Variants in INTS4 observed in about 807,000 individuals in gnomAD.
The protein encoded by INTS4 is integrator complex subunit 4, also known as MSTP093.
INTS4 carries 70 observed loss-of-function variants against 119.5 expected under a neutral mutation model. The observed-to-expected ratio is 0.59, with a 90% CI of 0.48 to 0.71. The LOEUF (loss-of-function observed/expected upper bound fraction) is 0.71. Among genes scored for constraint, INTS4 ranks in the 30% least tolerant of loss-of-function variants. The pLI is 0.00. For missense variants in INTS4, 867 were observed against 1,173.2 expected (o/e 0.74, Z 3.81); for synonymous variants, 316 against 419.6 (o/e 0.75, Z 3.02).
At position 77,938,667 on chromosome 11, in the gene INTS4, C is replaced by T. The variant is rs768005506; in HGVS notation, c.1149G>A (p.Leu383=). The T allele has an allele frequency of 6.2e-7, 1 of 1,611,176 alleles. No homozygotes were observed. ...CATACTTACCATACATCTCATCTTC[C>T]AACCCATGAACAAAAGCTCCACAAG... ...SGACGAFVHG[L]EDEMYEVRIA... Residue 383 remains leucine (L), a synonymous_variant, in exon 10 of 23, where the codon TTG becomes TTA. Coordinates refer to ENST00000534064, the MANE Select transcript of INTS4 (RefSeq NM_033547.4).
At chr11:77,962,310 T>C (rs1250669052) in intron 4 of INTS4, among the ~76,000 whole-genome samples, 2 of 152,224 alleles carry the variant, frequency 1.3e-5, no homozygotes, top group African/African-American at 4.8e-5. Flanking sequence ...CCAAATAGTT[T>C]TCCATAATGG....
intron 7 of INTS4, among the ~76,000 whole-genome samples, chr11:77,956,685 C>A (rs1954330308): frequency 1.4e-5 from 2 of 147,714 alleles, no homozygotes; most frequent in African/African-American, 5.0e-5. Context: ...CCAGCCTGGG[C>A]AACAGAGCGA....
At chr11:77,916,051 C>T (rs1350919049) in intron 15 of INTS4, among the ~76,000 whole-genome samples, 2 of 152,156 alleles carry the variant, frequency 1.3e-5, no homozygotes, top group Admixed American at 6.5e-5. Context: ...GATATTCCAC[C>T]TAGTCTGTTT....
chr11:77,972,166 C>T (rs1426279887), intron 4 of INTS4, among the ~76,000 whole-genome samples: 2 of 152,148 alleles, frequency 1.3e-5, no homozygotes, highest in South Asian at 2.1e-4. Context: ...AGCGCAGTCT[C>T]GGCTCACTGG....
At chr11:77,885,372 T>G (rs1247122905) in intron 21 of INTS4, among the ~76,000 whole-genome samples, 1 of 149,086 alleles carries the variant, frequency 6.7e-6, no homozygotes, top group Non-Finnish European at 1.5e-5. Context: ...CCACCACACC[T>G]GGCCTACCCT....
chr11:77,927,093 T>G (rs952073937), intron 11 of INTS4, among the ~76,000 whole-genome samples: 2 of 151,828 alleles, frequency 1.3e-5, no homozygotes, highest in African/African-American at 4.8e-5. Flanking sequence ...TTGCAAACTG[T>G]GGGGGAAAAT....
chr11:77,905,692 C>G (rs1244626006), intron 16 of INTS4, among the ~76,000 whole-genome samples: 1 of 152,230 alleles, frequency 6.6e-6, no homozygotes. Flanking sequence ...ACTGCATATG[C>G]AGTGGTGACC....
intron 4 of INTS4, among the ~76,000 whole-genome samples, chr11:77,966,392 G>A (rs1165559899): frequency 6.6e-6 from 1 of 152,184 alleles, no homozygotes; most frequent in Non-Finnish European, 1.5e-5. Flanking sequence ...ATGCCACAGA[G>A]CTTTCCCTGT....
chr11:77,895,953 T>G (rs1014123308), intron 18 of INTS4, among the ~76,000 whole-genome samples: 1 of 152,022 alleles, frequency 6.6e-6, no homozygotes, highest in African/African-American at 2.4e-5. Flanking sequence ...AGAATACAAA[T>G]TACCAATTTA....
intron 21 of INTS4, among the ~76,000 whole-genome samples, chr11:77,889,548 AT>A (rs1476908544): frequency 9.8e-5 from 15 of 152,304 alleles, no homozygotes; most frequent in African/African-American, 2.9e-4. Flanking sequence ...AAGTATAATA[AT>A]AATAAAATAA....
chr11:77,984,215 G>A lies in INTS4; in HGVS notation c.247-2639C>T, dbSNP rs12290581. ...CGGAGACAAAATGTAGAATGAGACC[G>A]GGCACAGTGGCTCACATCTGTAATC... On this transcript the variant is annotated intron_variant, in intron 2 of 22. Transcript: ENST00000534064. Among the ~76,000 whole-genome samples the A allele has an allele frequency of 1.9e-3, 287 of 152,192 alleles. 1 individual carries two copies. The highest frequency in any genetic ancestry group is 6.7e-3 in the African/African-American group (277 of 41,530).
At chr11:77,941,292 T>A (rs1461376862) in intron 8 of INTS4, 41 bp from the exon 9 acceptor site, 2 of 1,582,652 alleles carry the variant, frequency 1.3e-6, no homozygotes, top group Non-Finnish European at 1.7e-6. Flanking sequence ...ACAACTTTTA[T>A]GATTTGAACA....
At chr11:77,938,525 A>G in intron 10 of INTS4, 126 bp downstream of exon 10, 5 of 1,103,360 alleles carry the variant, frequency 4.5e-6, no homozygotes, top group Non-Finnish European at 3.8e-6. Flanking sequence ...AATAAAAAGC[A>G]TAGTAAGTAC....
chr11:77,985,176 T>C (rs962075949), intron 2 of INTS4, among the ~76,000 whole-genome samples: 6 of 152,194 alleles, frequency 3.9e-5, no homozygotes, highest in African/African-American at 1.4e-4. Context: ...AGTCTTCTAA[T>C]TGGTCACTCT....
chr11:77,966,247 T>C (rs1360025602), intron 4 of INTS4, among the ~76,000 whole-genome samples: 2 of 152,224 alleles, frequency 1.3e-5, no homozygotes, highest in Admixed American at 1.3e-4. Context: ...TTTACCTCTA[T>C]GGGTTGTCTC....
At chr11:77,967,996 C>T (rs1486171801) in intron 4 of INTS4, among the ~76,000 whole-genome samples, 5 of 152,194 alleles carry the variant, frequency 3.3e-5, no homozygotes, top group Non-Finnish European at 7.3e-5. Flanking sequence ...ACCTAGACTA[C>T]ATGATATAGC....
chr11:77,970,451 G>A (rs1331285895), intron 4 of INTS4, among the ~76,000 whole-genome samples: 3 of 152,008 alleles, frequency 2.0e-5, no homozygotes, highest in African/African-American at 7.2e-5. Flanking sequence ...CAGTTTGTTG[G>A]TAGATATCTA....
intron 1 of INTS4, among the ~76,000 whole-genome samples, chr11:77,992,713 T>C (rs1183796464): frequency 6.6e-6 from 1 of 152,206 alleles, no homozygotes; most frequent in African/African-American, 2.4e-5. Flanking sequence ...GTCAGAGGAA[T>C]TTGTATTCAA....
In INTS4 at chr11:77,977,076, TAA is replaced by T. The variant is rs201550588; in HGVS notation, c.471+1918_471+1919del. On this transcript the variant is annotated intron_variant, in intron 4 of 22. Coordinates refer to ENST00000534064, the MANE Select transcript of INTS4 (RefSeq NM_033547.4). ...ATGTACCCTAAAACTTAAAGTATAA[TAA>T]AAAAGAAATAAAAAGAATAAAATAA... 5.8e-3 allele frequency among the ~76,000 whole-genome samples: 875 copies of T among 151,688 alleles called. 9 individuals carry two copies. Among genetic ancestry groups the T allele is most frequent in the African/African-American group, 0.02 (830 of 41,376 alleles).
Sources: gnomAD v4.1 joint callset for allele counts (sites outside exome capture counted in the v4.1 genomes callset) on GRCh38, gnomAD v4.1.1 for gene constraint, MANE v1.5 for transcripts, NCBI Gene and HGNC (gene_info 2026-07-23, HGNC 2026-07-21) for gene names.